TLK2: variants seen among roughly 807,000 people sequenced by gnomAD.
TLK2 encodes tousled like kinase 2.
Under a neutral mutation model 117.3 loss-of-function variants are expected in TLK2, and 6 were observed. The observed-to-expected ratio is 0.05, with a 90% confidence interval of 0.03 to 0.10. TLK2 has a LOEUF of 0.10. TLK2 is among the 10% of genes least tolerant of loss of function. The probability of loss-of-function intolerance (pLI) is 1.00; values close to 1 mark genes in which losing one functional copy is unlikely to be tolerated. For synonymous variants in TLK2, 257 were observed against 316.7 expected, an observed-to-expected ratio of 0.81 and a Z score of 2.00; for missense variants, 299 against 901.2, an observed-to-expected ratio of 0.33 and a Z score of 8.56.
intron 7 of TLK2, among the ~76,000 whole-genome samples, chr17:62,542,674 G>C (rs1478417278): frequency 3.9e-5 from 6 of 152,154 alleles, no homozygotes; most frequent in African/African-American, 1.4e-4. Context: ...TGGACTCACT[G>C]AAAAGAAGAG....
At chr17:62,504,202 A>C (rs2074466443) in intron 2 of TLK2, among the ~76,000 whole-genome samples, 1 of 152,190 alleles carries the variant, frequency 6.6e-6, no homozygotes, top group South Asian at 2.1e-4. Flanking sequence ...GGGGAAAAGA[A>C]GTAACTAATA....
chr17:62,605,078 A>G (rs2083178940), intron 19 of TLK2, among the ~76,000 whole-genome samples: 12 of 152,030 alleles, frequency 7.9e-5, no homozygotes, highest in Admixed American at 7.9e-4. Flanking sequence ...CTGTAATCCC[A>G]GCACTTTGGG....
At chr17:62,519,786 T>C (rs1306728072) in intron 2 of TLK2, among the ~76,000 whole-genome samples, 1 of 152,232 alleles carries the variant, frequency 6.6e-6, no homozygotes, top group African/African-American at 2.4e-5. Context: ...TTCTACAACC[T>C]TGCTGAACTA....
chr17:62,536,091 G>GT, intron 6 of TLK2, 79 bp from the exon 7 acceptor site: 1 of 1,502,038 alleles, frequency 6.7e-7, no homozygotes, highest in Non-Finnish European at 9.0e-7. Context: ...TTTGATAACT[G>GT]TTTTTAACCC....
chr17:62,513,638 T>C (rs1373335724), intron 2 of TLK2, among the ~76,000 whole-genome samples: 1 of 152,150 alleles, frequency 6.6e-6, no homozygotes, highest in African/African-American at 2.4e-5. Context: ...AAATTGCTTT[T>C]ATACTTTTGT....
At chr17:62,570,147 T>G (rs2080159496) in intron 11 of TLK2, among the ~76,000 whole-genome samples, 1 of 152,228 alleles carries the variant, frequency 6.6e-6, no homozygotes, top group Admixed American at 6.5e-5. Flanking sequence ...AGTAATATCT[T>G]TATTCACCCT....
chr17:62,590,621 C>A, intron 16 of TLK2, among the ~76,000 whole-genome samples: 1 of 152,106 alleles, frequency 6.6e-6, no homozygotes, highest in African/African-American at 2.4e-5. Flanking sequence ...TAATCAGGTG[C>A]CACCTCCTTC....
At chr17:62,492,899 C>T (rs1173167538) in intron 2 of TLK2, among the ~76,000 whole-genome samples, 1 of 151,892 alleles carries the variant, frequency 6.6e-6, no homozygotes, top group East Asian at 1.9e-4. Flanking sequence ...AGTTCGAGAC[C>T]AGCCTGGCCA....
rs534202077 is a variant in TLK2, at chr17:62,540,400, ATTTT to A, written c.531+4083_531+4086del. Among the ~76,000 whole-genome samples, 16 of 19,994 alleles carry A rather than the reference ATTTT, an allele frequency of 8.0e-4. 2 individuals carry two copies. Among genetic ancestry groups the A allele is most frequent in the East Asian group, 0.015 (2 of 132 alleles). 13.1% of individuals were successfully genotyped at this position (19,994 alleles called of 152,430 possible). A position where few individuals can be genotyped will look rare whatever the true frequency, so the allele number is the denominator to read the frequency against. ...ATTTTACCTTCAAAATATGTTCAGAATTTTTTTTTTTTTTTTTTTTTTTGAGACA... is the reference window on the plus strand; with the variant it reads ...ATTTTACCTTCAAAATATGTTCAGAATTTTTTTTTTTTTTTTTTTGAGACA... On this transcript the variant is annotated intron_variant, in intron 7 of 21. Coordinates refer to ENST00000346027, the MANE Select transcript of TLK2 (RefSeq NM_006852.6).
At chr17:62,552,088 T>G (rs2078509458) in intron 7 of TLK2, 1 of 618,178 alleles carries the variant, frequency 1.6e-6, no homozygotes, top group South Asian at 2.1e-5. Flanking sequence ...TAAACCTGTT[T>G]ACAGGAACTT....
At chr17:62,531,041 A>G (rs542357224) in intron 6 of TLK2, among the ~76,000 whole-genome samples, 2 of 151,952 alleles carry the variant, frequency 1.3e-5, no homozygotes, top group East Asian at 1.9e-4. Flanking sequence ...GTCTTTAGCT[A>G]TGGTGTTCTG....
chr17:62,589,406 G>T (rs2081905088), intron 16 of TLK2, among the ~76,000 whole-genome samples: 1 of 152,156 alleles, frequency 6.6e-6, no homozygotes, highest in Non-Finnish European at 1.5e-5. Flanking sequence ...GAGAGTAAAA[G>T]ACATTTTGGT....
At chr17:62,475,089 A>G (rs1449430313), upstream of TLK2, among the ~76,000 whole-genome samples, 1 of 152,012 alleles carries the variant, frequency 6.6e-6, no homozygotes. Flanking sequence ...TAGCAACCAA[A>G]CGTTTTTCCA....
At chr17:62,477,270 C>T (rs1394020663), upstream of TLK2, among the ~76,000 whole-genome samples, 2 of 152,142 alleles carry the variant, frequency 1.3e-5, no homozygotes, top group Non-Finnish European at 2.9e-5. Context: ...CCATCTTGCC[C>T]TCTTTTCCTA....
At chr17:62,504,039 T>C (rs1598263121) in intron 2 of TLK2, among the ~76,000 whole-genome samples, 1 of 152,272 alleles carries the variant, frequency 6.6e-6, no homozygotes, top group Non-Finnish European at 1.5e-5. Context: ...CGGCCAGTTA[T>C]ATCTTAAATA....
intron 9 of TLK2, among the ~76,000 whole-genome samples, chr17:62,553,961 T>C (rs2078663269): frequency 6.6e-6 from 1 of 152,212 alleles, no homozygotes; most frequent in South Asian, 2.1e-4. Context: ...TCTTATACTG[T>C]AGTGTTTTAA....
rs981344352 is a variant in TLK2, at chr17:62,503,977, A to C, written c.82-16796A>C. ...TGGAACTCCCGACCTCAGGTGATCC[A>C]CCCGCCTTGACCTCCCAAAGTGCTG... On this transcript the variant is annotated intron_variant, in intron 2 of 21. Coordinates refer to ENST00000346027, the MANE Select transcript of TLK2 (RefSeq NM_006852.6). Among the ~76,000 whole-genome samples the C allele has an allele frequency of 1.3e-3, 197 of 146,536 alleles. 1 individual carries two copies. Among genetic ancestry groups the C allele is most frequent in the African/African-American group, 4.8e-3 (189 of 39,570 alleles).
chr17:62,481,571 C>T (rs1206782151), intron 2 of TLK2, among the ~76,000 whole-genome samples: 2 of 152,186 alleles, frequency 1.3e-5, no homozygotes, highest in Non-Finnish European at 2.9e-5. Flanking sequence ...TTACATTGGA[C>T]TTTGGAGGTA....
upstream of TLK2, among the ~76,000 whole-genome samples, chr17:62,478,512 C>G (rs1439416309): frequency 6.7e-6 from 1 of 149,818 alleles, no homozygotes; most frequent in Non-Finnish European, 1.5e-5. Context: ...CAGGGCGCCC[C>G]GGGCCGCCGG....
Sources: gnomAD v4.1 joint callset for allele counts (sites outside exome capture counted in the v4.1 genomes callset) on GRCh38, gnomAD v4.1.1 for gene constraint, MANE v1.5 for transcripts, NCBI Gene and HGNC (gene_info 2026-07-23, HGNC 2026-07-21) for gene names.